The following NAXD variants were observed in gnomAD, a reference collection of about 807,000 sequenced individuals.
The protein encoded by NAXD is ATP-dependent (S)-NAD(P)H-hydrate dehydratase.
In NAXD, 22 loss-of-function variants were observed where a neutral mutation model predicts 35.8. The observed-to-expected ratio is 0.62, with a 90% CI of 0.44 to 0.88. The LOEUF (loss-of-function observed/expected upper bound fraction) is 0.88, where lower values mean the gene tolerates loss of function less well. NAXD is among the 40% of genes least tolerant of loss of function. The pLI is 0.00. For synonymous variants in NAXD, 189 were observed against 177.6 expected (o/e 1.06, Z -0.51); for missense variants, 428 against 437.7 (o/e 0.98, Z 0.20).
chr13:110,615,663 T>A lies in NAXD; in HGVS notation c.46+16T>A. On this transcript the variant is annotated intron_variant, in intron 1 of 9. Transcript: ENST00000680254. ...TGCAGACGAGGTAAGGTCGATTCCA[T>A]TTGGCCCGGGGATGGTCACACGCGC... 1 of 1,518,322 alleles carries A rather than the reference T, an allele frequency of 6.6e-7. No homozygotes were observed. The highest frequency in any genetic ancestry group is 1.2e-5 in the South Asian group (1 of 82,826). 94.1% of individuals were successfully genotyped at this position (1,518,322 alleles called of 1,614,324 possible).
At chr13:110,622,393 G>A (rs1886304373) in intron 2 of NAXD, 27 bp downstream of exon 2, 1 of 1,606,986 alleles carries the variant, frequency 6.2e-7, no homozygotes, top group African/African-American at 1.3e-5. Flanking sequence ...CAGTGTTGGT[G>A]TTTAAAAAGT....
intron 4 of NAXD, among the ~76,000 whole-genome samples, chr13:110,626,579 G>T (rs1429958899): frequency 1.3e-5 from 2 of 151,502 alleles, no homozygotes; most frequent in African/African-American, 2.4e-5. Flanking sequence ...GGGCAGGGGG[G>T]ACTTGGCACT....
chr13:110,617,201 T>C (rs1041202906), intron 1 of NAXD, among the ~76,000 whole-genome samples: 1 of 152,246 alleles, frequency 6.6e-6, no homozygotes, highest in Non-Finnish European at 1.5e-5. Flanking sequence ...AAATTAGTTA[T>C]AACTCACATT....
chr13:110,636,141 C>T (rs191698310), intron 8 of NAXD, among the ~76,000 whole-genome samples: 9 of 152,324 alleles, frequency 5.9e-5, no homozygotes, highest in South Asian at 4.1e-4. Flanking sequence ...GGGCAGAGGC[C>T]GGGCCCAGCG....
chr13:110,621,808 T>G (rs1886276093), intron 1 of NAXD, among the ~76,000 whole-genome samples: 1 of 152,174 alleles, frequency 6.6e-6, no homozygotes, highest in Non-Finnish European at 1.5e-5. Flanking sequence ...AGCTGGCAGA[T>G]CACTTGAGGT....
intron 4 of NAXD, among the ~76,000 whole-genome samples, chr13:110,626,030 CGGCGCGGAGCTCCA>C (rs1886467444): frequency 6.6e-6 from 1 of 152,094 alleles, no homozygotes; most frequent in African/African-American, 2.4e-5. Flanking sequence ...AGAGAGGAGC[CGGCGCGGAGCTCCA>C]GGTGCGGTGC....
At chr13:110,619,290 T>C (rs950990332) in intron 1 of NAXD, among the ~76,000 whole-genome samples, 7 of 152,332 alleles carry the variant, frequency 4.6e-5, no homozygotes, top group African/African-American at 1.4e-4. Context: ...ATACAGATGT[T>C]TGTAAGATAT....
intron 2 of NAXD, among the ~76,000 whole-genome samples, chr13:110,623,711 C>G (rs1461774325): frequency 6.6e-6 from 1 of 152,204 alleles, no homozygotes; most frequent in Non-Finnish European, 1.5e-5. Flanking sequence ...TGTAAAAGAT[C>G]GACATTTCTG....
intron 5 of NAXD, 29 bp downstream of exon 5, chr13:110,627,576 A>G: frequency 3.4e-6 from 5 of 1,488,744 alleles, no homozygotes; most frequent in Non-Finnish European, 3.8e-6. Context: ...CACTTCCCTC[A>G]TGACAGGCTT....
In NAXD at chr13:110,639,722, C is replaced by T. The variant is rs906813342; in HGVS notation, c.*1194C>T. On this transcript the variant is annotated 3_prime_UTR_variant, in exon 10 of 10. Transcript: ENST00000680254. The stretch of plus-strand genomic sequence containing the variant: ...ATCTTTCCACAGCAAGGGCCAAACC[C>T]TCCTGGTTCCCTTCAGAGTCTTTTT... 3.3e-5 allele frequency: 5 copies of T among 152,176 alleles called. No homozygotes were observed. Among genetic ancestry groups the T allele is most frequent in the African/African-American group, 1.2e-4 (5 of 41,440 alleles). 9.4% of individuals were successfully genotyped at this position (152,176 alleles called of 1,614,324 possible).
chr13:110,623,570 CAT>C (rs1338501046), intron 2 of NAXD, among the ~76,000 whole-genome samples: 3 of 152,258 alleles, frequency 2.0e-5, no homozygotes, highest in African/African-American at 7.2e-5. Context: ...CTGCTCCGAA[CAT>C]GTGGTTGTCA....
intron 1 of NAXD, among the ~76,000 whole-genome samples, chr13:110,618,681 TATC>T (rs1566612449): frequency 2.0e-5 from 3 of 152,208 alleles, no homozygotes; most frequent in South Asian, 4.1e-4. Context: ...CCTGATATCT[TATC>T]ATTTTAACAA....
chr13:110,618,657 C>T (rs900469446), intron 1 of NAXD, among the ~76,000 whole-genome samples: 12 of 152,064 alleles, frequency 7.9e-5, no homozygotes, highest in African/African-American at 1.2e-4. Flanking sequence ...ATATTGTATT[C>T]GATGTTTGAG....
rs1363267240 is a variant in NAXD, at chr13:110,635,548, C to A, written c.678C>A (p.Val226=). The change falls in exon 8 of 10, where the codon GTC becomes GTA. Residue 226 remains valine, a synonymous_variant. Coordinates refer to ENST00000680254, the MANE Select transcript of NAXD (RefSeq NM_001242882.2). The stretch of plus-strand genomic sequence containing the variant: ...AAGCCCTGGGCAACGTGACGGTGGT[C>A]CAGAAAGGAGAGCGCGACATCCTCT... The part of the protein sequence containing the change: ...LSQALGNVTV[V]QKGERDILSN... 5.0e-6 allele frequency: 8 copies of A among 1,614,138 alleles called. No homozygotes were observed. The highest frequency in any genetic ancestry group is 6.8e-6 in the Non-Finnish European group (8 of 1,180,046).
rs1039961248 is a variant in NAXD at position 110,638,053 on chromosome 13, A to T, written c.840-325A>T. Among the ~76,000 whole-genome samples, 8 of 152,274 alleles carry T rather than the reference A, an allele frequency of 5.3e-5. No homozygotes were observed. Among genetic ancestry groups the T allele is most frequent in the African/African-American group, 1.9e-4 (8 of 41,554 alleles). The stretch of plus-strand genomic sequence containing the variant: ...CCTCAGATGCCCTCTGCACCTGGGC[A>T]CTGAGAGCACAGTCAAACAGGGCTA... On this transcript the variant is annotated intron_variant, in intron 9 of 9. Transcript: ENST00000680254. This position sits in a 1 kb window ranked among gnomAD's most constrained non-coding sequence, Gnocchi z 5.4.
Position 110,624,238 on chromosome 13 carries a change from A to C in NAXD, c.202A>C (p.Thr68Pro). ...CTCTAAATACCTTCTTTTTAGGTACACTGGAGCCCCATATTTTGCAGCAAT... is the reference window on the plus strand; with the variant it reads ...CTCTAAATACCTTCTTTTTAGGTACCCTGGAGCCCCATATTTTGCAGCAAT... ...IGVVGGCQEY[T>P]GAPYFAAISA... Residue 68 changes from threonine (T) to proline (P), a missense_variant, in exon 3 of 10, where the codon ACT becomes CCT. By Grantham distance (38) the Thr-to-Pro change is conservative (BLOSUM62 -1). Around this residue, in one of 3 missense-constraint regions of NAXD, gnomAD observed 208 missense variants for 193.0 expected, o/e 1.08. Coordinates refer to ENST00000680254, the MANE Select transcript of NAXD (RefSeq NM_001242882.2). 1 of 1,606,278 alleles carries C rather than the reference A, an allele frequency of 6.2e-7. No individual in the cohort carries two copies. The highest frequency in any genetic ancestry group is 1.3e-5 in the African/African-American group (1 of 74,880).
chr13:110,620,578 C>CA (rs34370844), intron 1 of NAXD, among the ~76,000 whole-genome samples: 7,317 of 84,540 alleles, frequency 0.087, 282 homozygotes, highest in African/African-American at 0.12. Context: ...GACTCTGTCT[C>CA]AAAAAAAAAA....
Position 110,634,792 on chromosome 13 carries a change from C to A in NAXD, c.597+16C>A. ...TGACGCTGTGGTGAGTCAGTGGACC[C>A]CCTGGAGGGTAGATGCAAGCCCTGT... On this transcript the variant is annotated intron_variant, in intron 7 of 9. Transcript: ENST00000680254. The A allele has an allele frequency of 6.3e-7, 1 of 1,591,158 alleles. No homozygotes were observed. The highest frequency in any genetic ancestry group is 8.6e-7 in the Non-Finnish European group (1 of 1,160,108).
chr13:110,632,848 T>C (rs1171078416), intron 5 of NAXD, among the ~76,000 whole-genome samples: 1 of 131,422 alleles, frequency 7.6e-6, no homozygotes, highest in Non-Finnish European at 1.7e-5. Flanking sequence ...AGGGTGCTGA[T>C]TGGTGCACTC....
Sources: allele counts gnomAD v4.1 joint callset (sites outside exome capture counted in the v4.1 genomes callset), GRCh38; gene constraint gnomAD v4.1.1; regional missense constraint gnomAD v4.1.1; non-coding constraint Gnocchi (gnomAD v3.1); transcripts MANE v1.5; gene names NCBI Gene and HGNC (gene_info 2026-07-23, HGNC 2026-07-21).